PLCB1: variants seen among roughly 807,000 people sequenced by gnomAD.
The protein encoded by PLCB1 is phospholipase C beta 1, also known as 1-phosphatidylinositol 4,5-bisphosphate phosphodiesterase beta-1.
In PLCB1, 46 loss-of-function variants were observed where a neutral mutation model predicts 161.8. The observed-to-expected ratio is 0.28, with a 90% CI of 0.22 to 0.36. The LOEUF is 0.36. Ranked by LOEUF, PLCB1 falls within the 10% of genes least tolerant of loss-of-function variation. PLCB1 has a pLI of 1.00. For synonymous variants in PLCB1, 517 were observed against 503.7 expected, an observed-to-expected ratio of 1.03 and a Z score of -0.35; for missense variants, 1,016 against 1,472.5, an observed-to-expected ratio of 0.69 and a Z score of 5.07.
chr20:8,737,078 A>G lies in PLCB1; in HGVS notation c.2094A>G (p.Glu698=). The part of the protein sequence containing the change: ...LSDKKVGTYV[E]VDMFGLPVDT... ...ATAAGAAAGTTGGGACTTACGTGGA[A>G]GTAGATATGTTTGGTTTGCCTGTGG... is the stretch of plus-strand genomic sequence containing the variant. Residue 698 remains glutamate (E), a synonymous_variant, in exon 20 of 32, where the codon GAA becomes GAG. Transcript: ENST00000338037. 6.2e-7 allele frequency: 1 copy of G among 1,613,648 alleles called. No homozygotes were observed. The highest frequency in any genetic ancestry group is 1.7e-5 in the Admixed American group (1 of 60,022).
chr20:8,280,031 A>G lies in PLCB1; in HGVS notation c.178-91351A>G, dbSNP rs534011788. ...AATGCATTTTACATATGTGTGTTAC[A>G]TATCACAATAAAATGTTATTTAGGC... On this transcript the variant is annotated intron_variant, in intron 2 of 31. Transcript: ENST00000338037. Among the ~76,000 whole-genome samples, 6 of 152,296 alleles carry G rather than the reference A, an allele frequency of 3.9e-5. No homozygotes were observed. The East Asian group carries it at 1.2e-3, about 29-fold the overall frequency.
chr20:8,399,546 T>C (rs899400426), intron 3 of PLCB1, among the ~76,000 whole-genome samples: 3 of 152,158 alleles, frequency 2.0e-5, no homozygotes, highest in Non-Finnish European at 2.9e-5. Flanking sequence ...AAGTGGATTC[T>C]TATTCTAGAA....
At chr20:8,659,120 T>A (rs1989552535) in intron 9 of PLCB1, among the ~76,000 whole-genome samples, 1 of 152,098 alleles carries the variant, frequency 6.6e-6, no homozygotes, top group African/African-American at 2.4e-5. Flanking sequence ...CTTATCTTTT[T>A]CCAGTATATA....
chr20:8,292,577 G>A (rs1020846612), intron 2 of PLCB1, among the ~76,000 whole-genome samples: 1 of 152,136 alleles, frequency 6.6e-6, no homozygotes, highest in South Asian at 2.1e-4. Context: ...TTTGAAGGGT[G>A]CCTGGCACTT....
At chr20:8,491,438 G>T (rs2122777218) in intron 3 of PLCB1, among the ~76,000 whole-genome samples, 1 of 152,040 alleles carries the variant, frequency 6.6e-6, no homozygotes. Context: ...CTCTTTCAAG[G>T]ACTCTAATGA....
chr20:8,141,954 T>C (rs1267083840), intron 1 of PLCB1: 1 of 152,234 alleles, frequency 6.6e-6, no homozygotes, highest in East Asian at 1.9e-4. Context: ...AGAGGGTGAG[T>C]TGCCTGCTCT....
rs1025065741 is a variant in PLCB1, at chr20:8,619,615, A to G, written c.247-8679A>G. On this transcript the variant is annotated intron_variant, in intron 3 of 31. Transcript: ENST00000338037. Reference sequence around the variant, plus strand: ...CACACTAATGATATAAGGTGAACAGACATTGCTATTATCATTGTTAAAGCT... The same window carrying G: ...CACACTAATGATATAAGGTGAACAGGCATTGCTATTATCATTGTTAAAGCT... 2.0e-5 allele frequency among the ~76,000 whole-genome samples: 3 copies of G among 152,258 alleles called. No homozygotes were observed. The South Asian group carries it at 6.2e-4, about 32-fold the overall frequency.
chr20:8,326,239 A>G (rs1359063600), intron 2 of PLCB1, among the ~76,000 whole-genome samples: 1 of 152,218 alleles, frequency 6.6e-6, no homozygotes, highest in East Asian at 1.9e-4. Flanking sequence ...GAAATTATAT[A>G]GTGATATATT....
At chr20:8,844,367 T>C (rs1234694363) in intron 31 of PLCB1, among the ~76,000 whole-genome samples, 1 of 152,204 alleles carries the variant, frequency 6.6e-6, no homozygotes, top group African/African-American at 2.4e-5. Flanking sequence ...ACTGAATGTG[T>C]TGAAACAAGC....
At chr20:8,511,510 G>T (rs960592650) in intron 3 of PLCB1, among the ~76,000 whole-genome samples, 2 of 152,070 alleles carry the variant, frequency 1.3e-5, no homozygotes, top group Non-Finnish European at 2.9e-5. Flanking sequence ...TTTAACAGTT[G>T]ATTTCAAATC....
chr20:8,488,006 G>A (rs6055852), intron 3 of PLCB1, among the ~76,000 whole-genome samples: 1,639 of 152,264 alleles, frequency 0.011, 26 homozygotes, highest in African/African-American at 0.036. Flanking sequence ...CCAGGATAAA[G>A]TCATTAAATC....
At chr20:8,640,413 G>A (rs529394642) in intron 4 of PLCB1, among the ~76,000 whole-genome samples, 1 of 152,118 alleles carries the variant, frequency 6.6e-6, no homozygotes, top group South Asian at 2.1e-4. Context: ...AATTATTTTT[G>A]TAATGAACAA....
At chr20:8,778,308 G>A (rs957424675) in intron 27 of PLCB1, among the ~76,000 whole-genome samples, 5 of 152,096 alleles carry the variant, frequency 3.3e-5, no homozygotes, top group South Asian at 2.1e-4. Flanking sequence ...AATAGGGGCC[G>A]AAGTCACAAG....
intron 31 of PLCB1, among the ~76,000 whole-genome samples, chr20:8,826,014 G>C (rs1166537939): frequency 6.6e-6 from 1 of 152,162 alleles, no homozygotes. Context: ...CTGGGAATGA[G>C]GGGGAGGGAG....
At chr20:8,508,574 A>G (rs1426047102) in intron 3 of PLCB1, among the ~76,000 whole-genome samples, 3 of 152,162 alleles carry the variant, frequency 2.0e-5, no homozygotes, top group Admixed American at 6.5e-5. Context: ...CGCAGAGGCT[A>G]GAGATACAAC....
In PLCB1 at chr20:8,289,338, CTCTT is replaced by C. The variant is rs566869328; in HGVS notation, c.178-82041_178-82038del. ...CCTGTGGATCTTGTTAAAATGCAGA[CTCTT>C]TCAGTGGGTCTGATGAGGGACCTGA... On this transcript the variant is annotated intron_variant, in intron 2 of 31. Coordinates refer to ENST00000338037, the MANE Select transcript of PLCB1 (RefSeq NM_015192.4). Among the ~76,000 whole-genome samples the C allele has an allele frequency of 1.7e-3, 256 of 152,264 alleles. 1 individual carries two copies. Among genetic ancestry groups the C allele is most frequent in the African/African-American group, 5.9e-3 (247 of 41,562 alleles).
chr20:8,198,711 A>T (rs747990371), intron 2 of PLCB1, among the ~76,000 whole-genome samples: 36 of 152,076 alleles, frequency 2.4e-4, no homozygotes, highest in Non-Finnish European at 4.0e-4. Flanking sequence ...GCTTCAAACT[A>T]GATATCTGAC....
chr20:8,665,827 T>C (rs6055982), intron 9 of PLCB1, among the ~76,000 whole-genome samples: 69,815 of 151,938 alleles, frequency 0.46, 16,208 homozygotes, highest in Admixed American at 0.5. Flanking sequence ...ATTAAAGAAA[T>C]AGGCTGGCAT....
rs375791778 is a variant in PLCB1 at position 8,766,502 on chromosome 20, A to G, written c.2930+1144A>G. On this transcript the variant is annotated intron_variant, in intron 26 of 31. Transcript: ENST00000338037. ...TTGTGCCAGGAACAGTAAAGCTGGC[A>G]AAGTGGGTGAAACATTGTAAACCAT... is the stretch of plus-strand genomic sequence containing the variant. Among the ~76,000 whole-genome samples the G allele has an allele frequency of 2.4e-4, 37 of 152,360 alleles. No individual in the cohort carries two copies. In the South Asian group the frequency reaches 6.8e-3, roughly 28 times the overall value.
Sources: gnomAD v4.1 joint callset for allele counts (sites outside exome capture counted in the v4.1 genomes callset) on GRCh38, gnomAD v4.1.1 for gene constraint, MANE v1.5 for transcripts, NCBI Gene and HGNC (gene_info 2026-07-23, HGNC 2026-07-21) for gene names.